The following PCDH15 variants were observed in gnomAD, a reference collection of about 807,000 sequenced individuals.
The protein encoded by PCDH15 is protocadherin related 15, also known as protocadherin-15.
PCDH15 carries 129 observed loss-of-function variants against 178.5 expected under a neutral mutation model. The observed-to-expected ratio is 0.72, with a 90% confidence interval of 0.63 to 0.84. The LOEUF is 0.84. Ranked by LOEUF, PCDH15 falls within the 40% of genes least tolerant of loss-of-function variation. The pLI is 0.00. For missense variants in PCDH15, 2,230 were observed against 2,099.9 expected (o/e 1.06, Z -1.21); for synonymous variants, 800 against 732.0 (o/e 1.09, Z -1.50).
At position 54,188,362 on chromosome 10, in the gene PCDH15, T is replaced by G. The variant is rs140391065; in HGVS notation, c.1306-3094A>C. Among the ~76,000 whole-genome samples, 1,178 of 152,014 alleles carry G rather than the reference T, an allele frequency of 7.7e-3. 5 individuals are homozygous for G. The highest frequency in any genetic ancestry group is 0.017 in the Middle Eastern group (5 of 294). ...TAGGATGTACATGGACAAATAATGC[T>G]CTGGCTTAATATTCCAATAGGGGTA... On this transcript the variant is annotated intron_variant, in intron 11 of 37. Coordinates refer to ENST00000644397, the MANE Select transcript of PCDH15 (RefSeq NM_001384140.1).
At chr10:55,246,471 A>G (rs1297474400) in intron 1 of PCDH15, among the ~76,000 whole-genome samples, 1 of 152,252 alleles carries the variant, frequency 6.6e-6, no homozygotes, top group African/African-American at 2.4e-5. Flanking sequence ...TTGCAAAAGA[A>G]TAATGAATAA....
At position 55,414,846 on chromosome 10, in the gene PCDH15, CATATAAG is replaced by C. The variant is rs554161285; in HGVS notation, c.-156+212772_-156+212778del. ...TGTATAGAGTCTTTAGGGTTTTCTA[CATATAAG>C]ATTATGTTATCTGCAAATAAGGATA... On this transcript the variant is annotated intron_variant, in intron 2 of 5. Coordinates refer to the PCDH15 transcript ENST00000613346. 4.3e-3 allele frequency among the ~76,000 whole-genome samples: 643 copies of C among 148,786 alleles called. 3 individuals carry two copies. The highest frequency in any genetic ancestry group is 7.3e-3 in the Non-Finnish European group (485 of 66,784).
chr10:54,912,364 C>T (rs1954832395), intron 2 of PCDH15, among the ~76,000 whole-genome samples: 1 of 151,924 alleles, frequency 6.6e-6, no homozygotes, highest in Non-Finnish European at 1.5e-5. Flanking sequence ...GGTCATGGAG[C>T]AGATTTGCCC....
chr10:54,049,575 G>A (rs1303032957), intron 18 of PCDH15, among the ~76,000 whole-genome samples: 3 of 151,910 alleles, frequency 2.0e-5, no homozygotes, highest in Non-Finnish European at 2.9e-5. Flanking sequence ...TTTTTATCAT[G>A]AGGAAATATT....
At chr10:54,786,060 C>T (rs565688931) in intron 1 of PCDH15, among the ~76,000 whole-genome samples, 1 of 152,014 alleles carries the variant, frequency 6.6e-6, no homozygotes, top group African/African-American at 2.4e-5. Context: ...TTATACTTCT[C>T]CAGGTAAAGT....
At chr10:54,238,830 A>G (rs1188678509) in intron 8 of PCDH15, among the ~76,000 whole-genome samples, 5 of 152,038 alleles carry the variant, frequency 3.3e-5, no homozygotes, top group Non-Finnish European at 7.4e-5. Flanking sequence ...AGAGTTGACA[A>G]GCTCTTTCTA....
At chr10:55,429,675 T>G (rs980055850) in intron 2 of PCDH15, among the ~76,000 whole-genome samples, 1 of 152,200 alleles carries the variant, frequency 6.6e-6, no homozygotes, top group African/African-American at 2.4e-5. Context: ...ATTCTCTGCC[T>G]CCTCAAATCT....
At chr10:54,262,811 G>T (rs1048233588) in intron 8 of PCDH15, among the ~76,000 whole-genome samples, 1 of 152,192 alleles carries the variant, frequency 6.6e-6, no homozygotes, top group Non-Finnish European at 1.5e-5. Flanking sequence ...GAGTATCCTG[G>T]CACAGAATGC....
At chr10:54,853,386 TACATATATATACACAC>T (rs1953675802) in intron 3 of PCDH15, among the ~76,000 whole-genome samples, 4 of 79,106 alleles carry the variant, frequency 5.1e-5, no homozygotes, top group East Asian at 1.1e-3. Flanking sequence ...TACACATACA[TACATATATATACACAC>T]ACATATATAT....
rs118074886 is a variant in PCDH15 at position 54,969,600 on chromosome 10, G to A, written c.-79-72100C>T. ...TGCCCCTTTGTACAGATGTTTTCTCGCCAGTATTCTGTGATATGAATTCTA... is the reference window on the plus strand; with the variant it reads ...TGCCCCTTTGTACAGATGTTTTCTCACCAGTATTCTGTGATATGAATTCTA... On this transcript the variant is annotated intron_variant, in intron 2 of 5. Coordinates refer to the PCDH15 transcript ENST00000458638. Among the ~76,000 whole-genome samples, 834 of 152,128 alleles carry A rather than the reference G, an allele frequency of 5.5e-3. 4 individuals carry two copies. The highest frequency in any genetic ancestry group is 9.1e-3 in the Non-Finnish European group (621 of 67,994).
chr10:54,195,863 A>G lies in PCDH15; in HGVS notation c.1125T>C (p.Leu375=). ...CAATGTGTAGACCGGCAAAGGCAGG[A>G]AGAGGATGACCATTGTCTTGTTCAG... ...IKAEQDNGHP[L]PAFAGLHIEI... Residue 375 remains leucine (L), a synonymous_variant, in exon 11 of 38, where the codon CTT becomes CTC. Coordinates refer to ENST00000644397, the MANE Select transcript of PCDH15 (RefSeq NM_001384140.1). 1 of 1,613,818 alleles carries G rather than the reference A, an allele frequency of 6.2e-7. No homozygotes were observed. The highest frequency in any genetic ancestry group is 8.5e-7 in the Non-Finnish European group (1 of 1,179,814).
At chr10:55,331,432 T>C (rs1403298309) in intron 2 of PCDH15, among the ~76,000 whole-genome samples, 1 of 152,146 alleles carries the variant, frequency 6.6e-6, no homozygotes, top group South Asian at 2.1e-4. Context: ...ATAGTAATAG[T>C]AAGTAGAATT....
At chr10:54,898,818 A>G (rs1438186028) in intron 2 of PCDH15, among the ~76,000 whole-genome samples, 1 of 152,188 alleles carries the variant, frequency 6.6e-6, no homozygotes, top group Admixed American at 6.5e-5. Context: ...GTTTCAGTAT[A>G]TCATGTCCAT....
chr10:54,910,946 G>A (rs1169143525), intron 2 of PCDH15, among the ~76,000 whole-genome samples: 3 of 152,252 alleles, frequency 2.0e-5, no homozygotes, highest in East Asian at 3.9e-4. Flanking sequence ...AATTATTACA[G>A]GGTGAATCAG....
At chr10:54,273,226 TAATG>T in intron 8 of PCDH15, among the ~76,000 whole-genome samples, 1 of 152,184 alleles carries the variant, frequency 6.6e-6, no homozygotes, top group Admixed American at 6.6e-5. Flanking sequence ...ATTTAGAACT[TAATG>T]ACAGTGAAAA....
At chr10:53,919,816 C>T (rs1054507946) in intron 25 of PCDH15, among the ~76,000 whole-genome samples, 6 of 152,068 alleles carry the variant, frequency 3.9e-5, no homozygotes, top group African/African-American at 1.4e-4. Flanking sequence ...TAGGTATATA[C>T]TTCTATGCCT....
intron 1 of PCDH15, among the ~76,000 whole-genome samples, chr10:54,761,276 T>G (rs1379015689): frequency 6.6e-6 from 1 of 152,186 alleles, no homozygotes; most frequent in African/African-American, 2.4e-5. Context: ...TTGTGTAGTT[T>G]GGGTCATGTT....
chr10:54,187,757 T>C (rs1324685638), intron 11 of PCDH15, among the ~76,000 whole-genome samples: 2 of 151,896 alleles, frequency 1.3e-5, no homozygotes, highest in East Asian at 3.9e-4. Context: ...CTGATCAAAA[T>C]ATAACATTTA....
intron 28 of PCDH15, among the ~76,000 whole-genome samples, chr10:53,853,479 G>A (rs897645240): frequency 2.0e-5 from 3 of 152,008 alleles, no homozygotes; most frequent in Non-Finnish European, 2.9e-5. Flanking sequence ...AGGGTGAAAA[G>A]GCAACCTATG....
Sources: allele counts gnomAD v4.1 joint callset (sites outside exome capture counted in the v4.1 genomes callset), GRCh38; gene constraint gnomAD v4.1.1; transcripts MANE v1.5; gene names NCBI Gene and HGNC (gene_info 2026-07-23, HGNC 2026-07-21).